The following FAAH2 variants were observed in gnomAD, a reference collection of about 807,000 sequenced individuals.
FAAH2 encodes fatty-acid amide hydrolase 2.
In FAAH2, 60 loss-of-function variants were observed where a neutral mutation model predicts 36.9. The ratio of observed to expected loss-of-function variants is 1.63; its 90% CI spans 1.32 to 2.02. The LOEUF (loss-of-function observed/expected upper bound fraction) is 2.02. FAAH2 is among the 30% of genes most tolerant of loss of function. FAAH2 has a pLI of 0.00. For missense variants in FAAH2, 689 were observed against 397.5 expected, an observed-to-expected ratio of 1.73 and a Z score of -6.23; for synonymous variants, 214 against 143.8, an observed-to-expected ratio of 1.49 and a Z score of -3.49.
chrX:57,332,804 T>A (rs1314089095), intron 4 of FAAH2, among the ~76,000 whole-genome samples: 1 of 112,006 alleles, frequency 8.9e-6, no homozygotes, highest in Non-Finnish European at 1.9e-5. Flanking sequence ...TTTGAAATTC[T>A]GCTTCCAAAG....
At chrX:57,243,678 TA>T in the FAAH2 span, among the ~76,000 whole-genome samples, 1 of 111,607 alleles carries the variant, frequency 9.0e-6, no homozygotes, top group African/African-American at 3.3e-5. Context: ...GAAGGAAAAC[TA>T]ACAAACAGAA....
the FAAH2 span, among the ~76,000 whole-genome samples, chrX:57,200,379 CTTT>C: frequency 3.6e-5 from 3 of 82,479 alleles, no homozygotes; most frequent in African/African-American, 1.1e-4. Flanking sequence ...CATACTTTCA[CTTT>C]TTTTTTTTTT....
chrX:57,127,801 T>A, the FAAH2 span, among the ~76,000 whole-genome samples: 2 of 111,328 alleles, frequency 1.8e-5, no homozygotes, highest in African/African-American at 6.5e-5. Flanking sequence ...GTTAAATCCC[T>A]GGTATGTATT....
the FAAH2 span, among the ~76,000 whole-genome samples, chrX:57,232,682 A>G: frequency 1.8e-5 from 2 of 112,045 alleles, no homozygotes. Context: ...TTTATACTTC[A>G]TAGGTACAAT....
intron 5 of FAAH2, among the ~76,000 whole-genome samples, chrX:57,372,116 A>T (rs1036615576): frequency 1.8e-5 from 2 of 111,430 alleles, no homozygotes; most frequent in African/African-American, 3.3e-5. Context: ...ATACAGATCC[A>T]TGTATCTTCT....
At chrX:57,359,010 G>A (rs1175957424) in intron 5 of FAAH2, among the ~76,000 whole-genome samples, 1 of 110,974 alleles carries the variant, frequency 9.0e-6, no homozygotes, top group Non-Finnish European at 1.9e-5. Flanking sequence ...ATCACCTGTA[G>A]CATTTATCCT....
intron 9 of FAAH2, among the ~76,000 whole-genome samples, chrX:57,447,752 A>G (rs1199954284): frequency 9.0e-6 from 1 of 110,719 alleles, no homozygotes; most frequent in African/African-American, 3.3e-5. Flanking sequence ...CTCACACAGC[A>G]AGAGGGTCCT....
the FAAH2 span, among the ~76,000 whole-genome samples, chrX:57,158,419 C>T: frequency 2.7e-5 from 3 of 112,112 alleles, no homozygotes; most frequent in African/African-American, 9.7e-5. Context: ...TGAGGAATCG[C>T]CACACTGACT....
At chrX:57,187,356 G>T in the FAAH2 span, among the ~76,000 whole-genome samples, 23 of 109,993 alleles carry the variant, frequency 2.1e-4, no homozygotes, top group Non-Finnish European at 3.4e-4. Context: ...TCATAATTTG[G>T]CTCTCTGCTT....
At chrX:57,150,357 G>A in the FAAH2 span, among the ~76,000 whole-genome samples, 4 of 111,641 alleles carry the variant, frequency 3.6e-5, no homozygotes, top group South Asian at 1.5e-3. Flanking sequence ...GTTGACAGTG[G>A]GGTGTTAAAG....
chrX:57,310,928 A>T (rs1602233724), intron 3 of FAAH2, among the ~76,000 whole-genome samples, 199 bp downstream of exon 3: 1 of 112,181 alleles, frequency 8.9e-6, no homozygotes, highest in South Asian at 3.7e-4. Context: ...TCTGTATGGC[A>T]TATGGGGGCA....
chrX:57,261,672 G>A, the FAAH2 span, among the ~76,000 whole-genome samples: 2 of 110,116 alleles, frequency 1.8e-5, no homozygotes, highest in Non-Finnish European at 1.9e-5. Flanking sequence ...CCAGGGATGG[G>A]AGGTGGAATA....
the FAAH2 span, among the ~76,000 whole-genome samples, chrX:57,249,163 T>G: frequency 4.5e-5 from 5 of 111,653 alleles, no homozygotes; most frequent in African/African-American, 1.6e-4. Context: ...GAATGTTTTT[T>G]AAATAAGATT....
the FAAH2 span, among the ~76,000 whole-genome samples, chrX:57,253,604 G>C: frequency 1.8e-5 from 2 of 111,739 alleles, no homozygotes; most frequent in Non-Finnish European, 3.8e-5. Flanking sequence ...AAGAGATTGG[G>C]GGTCAACATT....
the FAAH2 span, among the ~76,000 whole-genome samples, chrX:57,226,604 C>T: frequency 2.8e-4 from 31 of 111,658 alleles, no homozygotes; most frequent in African/African-American, 1.0e-3. Flanking sequence ...TCTTAACTTT[C>T]GATAACCTGA....
At chrX:57,409,165 C>G (rs1254390238) in intron 7 of FAAH2, among the ~76,000 whole-genome samples, 2 of 111,354 alleles carry the variant, frequency 1.8e-5, no homozygotes, top group Non-Finnish European at 3.8e-5. Context: ...TATTATGCGA[C>G]CACCATCATA....
intron 4 of FAAH2, among the ~76,000 whole-genome samples, chrX:57,332,672 G>A (rs1303614124): frequency 1.8e-5 from 2 of 111,058 alleles, no homozygotes; most frequent in Admixed American, 9.6e-5. Context: ...TTGGGTGGGG[G>A]GATCTTAGGG....
chrX:57,440,709 G>A (rs1256257380), intron 8 of FAAH2, among the ~76,000 whole-genome samples: 1 of 111,503 alleles, frequency 9.0e-6, no homozygotes, highest in Non-Finnish European at 1.9e-5. Flanking sequence ...TCCAGTTTTT[G>A]CCCATTCAAT....
intron 2 of FAAH2, among the ~76,000 whole-genome samples, chrX:57,294,809 C>A (rs1333532930): frequency 9.0e-6 from 1 of 111,633 alleles, no homozygotes; most frequent in Non-Finnish European, 1.9e-5. Flanking sequence ...GATTTCTACT[C>A]TGAGCTCCCA....
Sources: gnomAD v4.1 joint callset for allele counts (sites outside exome capture counted in the v4.1 genomes callset) on GRCh38, gnomAD v4.1.1 for gene constraint, MANE v1.5 for transcripts, NCBI Gene and HGNC (gene_info 2026-07-23, HGNC 2026-07-21) for gene names.